The following EPB41L3 variants were observed in gnomAD, a reference collection of about 807,000 sequenced individuals.
EPB41L3 encodes erythrocyte membrane protein band 4.1 like 3.
EPB41L3 carries 57 observed loss-of-function variants against 127.1 expected under a neutral mutation model. The observed-to-expected ratio is 0.45, with a 90% CI of 0.36 to 0.56. The LOEUF (loss-of-function observed/expected upper bound fraction) is 0.56. EPB41L3 is among the 20% of genes least tolerant of loss of function. The pLI is 0.00. For missense variants in EPB41L3, 1,273 were observed against 1,372.2 expected, an observed-to-expected ratio of 0.93 and a Z score of 1.14; for synonymous variants, 572 against 549.5, an observed-to-expected ratio of 1.04 and a Z score of -0.57.
intron 3 of EPB41L3, among the ~76,000 whole-genome samples, chr18:5,561,048 G>A (rs1333381559): frequency 6.8e-6 from 1 of 146,624 alleles, no homozygotes; most frequent in Admixed American, 6.8e-5. Context: ...CGCGATCGCG[G>A]CTCACTGCAA....
At chr18:5,480,722 G>C (rs1599549735) in intron 2 of EPB41L3, among the ~76,000 whole-genome samples, 1 of 152,292 alleles carries the variant, frequency 6.6e-6, no homozygotes, top group African/African-American at 2.4e-5. Context: ...GACTAGAAGA[G>C]ACAGGACTTC....
At chr18:5,400,779 G>C (rs192279333) in intron 16 of EPB41L3, 64 of 580,136 alleles carry the variant, frequency 1.1e-4, no homozygotes, top group Middle Eastern at 2.7e-4. Flanking sequence ...AAGAAATGAT[G>C]CATAACTGAT....
At chr18:5,544,928 C>T (rs2093850324), upstream of EPB41L3, among the ~76,000 whole-genome samples, 1 of 151,898 alleles carries the variant, frequency 6.6e-6, no homozygotes, top group South Asian at 2.1e-4. Context: ...TATGTACCCA[C>T]AAAAATTGAA....
In EPB41L3 at chr18:5,406,872, T is replaced by G; in HGVS notation, c.2254A>C (p.Thr752Pro). ...FLETSTDTAV[T>P]NEWEKRLSTS... ...GAAAGCCTCTTCTCCCATTCATTCG[T>G]TACGGCAGTGTCTGTTGAGGTTTCT... Residue 752 changes from threonine to proline, a missense_variant, in exon 16 of 23, where the codon ACG becomes CCG. Thr to Pro is a conservative substitution (Grantham distance 38). Around this residue, in one of 3 missense-constraint regions of EPB41L3, gnomAD observed 765 missense variants for 782.9 expected, o/e 0.98. Transcript: ENST00000341928. The G allele has an allele frequency of 6.2e-7, 1 of 1,614,204 alleles. No homozygotes were observed. Among genetic ancestry groups the G allele is most frequent in the Non-Finnish European group, 8.5e-7 (1 of 1,180,016 alleles).
chr18:5,481,852 C>G (rs925475666), intron 2 of EPB41L3, among the ~76,000 whole-genome samples: 2 of 152,174 alleles, frequency 1.3e-5, no homozygotes, highest in Non-Finnish European at 2.9e-5. Context: ...TTAAAGGCCA[C>G]CTAGCGCCAA....
intron 6 of EPB41L3, among the ~76,000 whole-genome samples, chr18:5,437,006 T>C (rs929594294): frequency 1.3e-5 from 2 of 152,204 alleles, no homozygotes; most frequent in Non-Finnish European, 2.9e-5. Flanking sequence ...CTGCATACAC[T>C]GCACAAAATT....
chr18:5,553,192 C>T (rs866915316), intron 3 of EPB41L3, among the ~76,000 whole-genome samples: 29 of 152,088 alleles, frequency 1.9e-4, no homozygotes, highest in African/African-American at 5.6e-4. Flanking sequence ...GTAAGGCAAC[C>T]GCTAATAAAA....
intron 1 of EPB41L3, among the ~76,000 whole-genome samples, chr18:5,522,960 T>C (rs2093057054): frequency 6.6e-6 from 1 of 152,204 alleles, no homozygotes; most frequent in Admixed American, 6.5e-5. Flanking sequence ...GCTGCAATAC[T>C]AGTTAAAAGT....
intron 3 of EPB41L3, among the ~76,000 whole-genome samples, chr18:5,561,923 G>A (rs2094140275): frequency 6.6e-6 from 1 of 152,208 alleles, no homozygotes; most frequent in Admixed American, 6.5e-5. Context: ...GGAAACATGA[G>A]ACAAATCCAA....
chr18:5,587,854 A>AT (rs2094453849), intron 3 of EPB41L3, among the ~76,000 whole-genome samples: 1 of 152,232 alleles, frequency 6.6e-6, no homozygotes, highest in South Asian at 2.1e-4. Context: ...TAAGATGATG[A>AT]TAAAAACAGA....
upstream of EPB41L3, among the ~76,000 whole-genome samples, chr18:5,547,332 G>A (rs957500753): frequency 2.0e-5 from 3 of 152,278 alleles, no homozygotes; most frequent in Middle Eastern, 3.4e-3. Flanking sequence ...TAGTTCTTGG[G>A]TCCAGTAAAT....
chr18:5,431,865 T>C (rs1005440100), intron 8 of EPB41L3, among the ~76,000 whole-genome samples: 1 of 152,150 alleles, frequency 6.6e-6, no homozygotes, highest in Non-Finnish European at 1.5e-5. Context: ...ACCTAACATA[T>C]AATAGAAAAC....
At chr18:5,614,382 G>C (rs1479606288) in exon 2 of EPB41L3, 2 of 152,052 alleles carry the variant, frequency 1.3e-5, no homozygotes, top group Non-Finnish European at 2.9e-5. Flanking sequence ...TTGATTCATG[G>C]AAAATGTTTA....
At chr18:5,529,106 C>T (rs900414167) in intron 1 of EPB41L3, 11 of 152,148 alleles carry the variant, frequency 7.2e-5, no homozygotes, top group South Asian at 2.1e-4. Flanking sequence ...TGCTCCGAAA[C>T]GACACATTAG....
intron 3 of EPB41L3, among the ~76,000 whole-genome samples, chr18:5,475,405 T>G (rs189061441): frequency 5.9e-5 from 9 of 152,296 alleles, no homozygotes; most frequent in Admixed American, 5.2e-4. Flanking sequence ...CCCTCCCCAG[T>G]CCGGTGGCTT....
At chr18:5,554,291 C>T (rs919889522) in intron 3 of EPB41L3, among the ~76,000 whole-genome samples, 1 of 152,148 alleles carries the variant, frequency 6.6e-6, no homozygotes, top group African/African-American at 2.4e-5. Flanking sequence ...GGAACAGTGC[C>T]TGGCATGGAG....
chr18:5,416,070 G>A lies in EPB41L3; in HGVS notation c.1815C>T (p.Tyr605=), dbSNP rs754239715. ...SFPSLLDDDG[Y]LSFPNLSETN... is the part of the protein sequence containing the mutation. ...TTTCAGAAAGGTTGGGGAAAGAGAG[G>A]TATCCATCATCATCTAGGAGGGAGG... is the stretch of plus-strand genomic sequence containing the variant. Residue 605 remains tyrosine (Y), a synonymous_variant, in exon 13 of 23, where the codon TAC becomes TAT. Transcript: ENST00000341928. 38 of 1,613,208 alleles carry A rather than the reference G, an allele frequency of 2.4e-5. No individual in the cohort carries two copies. In the Admixed American group the frequency reaches 5.3e-4, roughly 23 times the overall value.
At chr18:5,584,167 G>T (rs2094421845) in intron 3 of EPB41L3, among the ~76,000 whole-genome samples, 1 of 152,122 alleles carries the variant, frequency 6.6e-6, no homozygotes, top group South Asian at 2.1e-4. Context: ...TGATGTATGG[G>T]TTCTCTACCC....
At chr18:5,411,990 C>T (rs1252873220) in intron 13 of EPB41L3, among the ~76,000 whole-genome samples, 1 of 152,290 alleles carries the variant, frequency 6.6e-6, no homozygotes, top group Middle Eastern at 3.4e-3. Flanking sequence ...TTTTCATGAC[C>T]TGACCGGCTT....
Sources: allele counts gnomAD v4.1 joint callset (sites outside exome capture counted in the v4.1 genomes callset), GRCh38; gene constraint gnomAD v4.1.1; regional missense constraint gnomAD v4.1.1; transcripts MANE v1.5; gene names NCBI Gene and HGNC (gene_info 2026-07-23, HGNC 2026-07-21).